The following UTRN variants were observed in gnomAD, a reference collection of about 807,000 sequenced individuals.
UTRN encodes the protein utrophin.
UTRN carries 283 observed loss-of-function variants against 463.9 expected under a neutral mutation model. The observed-to-expected ratio is 0.61, with a 90% CI of 0.55 to 0.67. UTRN has a LOEUF of 0.67. Among genes scored for constraint, UTRN ranks in the 30% least tolerant of loss-of-function variants. The pLI, the probability that UTRN is intolerant of heterozygous loss-of-function variation, is 0.00. For synonymous variants in UTRN, 1,442 were observed against 1,431.5 expected (o/e 1.01, Z -0.17); for missense variants, 3,922 against 4,084.3 (o/e 0.96, Z 1.08).
chr6:144,423,770 T>C, intron 5 of UTRN, 144 bp downstream of exon 5: 2 of 1,043,240 alleles, frequency 1.9e-6, no homozygotes, highest in Non-Finnish European at 1.4e-6. Context: ...TTTCTGTGAG[T>C]GAAGAAACAG....
intron 41 of UTRN, among the ~76,000 whole-genome samples, chr6:144,528,935 G>A (rs1189826767): frequency 6.6e-6 from 1 of 152,228 alleles, no homozygotes. Context: ...GGCAGGGTTA[G>A]GTGCTGAGTC....
intron 56 of UTRN, 98 bp from the exon 57 acceptor site, chr6:144,754,622 A>G: frequency 1.7e-6 from 2 of 1,206,228 alleles, no homozygotes; most frequent in South Asian, 2.8e-5. Flanking sequence ...ATCCTGGGCA[A>G]TAGCATCATT....
At chr6:144,788,281 A>G (rs921496389) in intron 61 of UTRN, among the ~76,000 whole-genome samples, 1 of 152,212 alleles carries the variant, frequency 6.6e-6, no homozygotes, top group Non-Finnish European at 1.5e-5. Flanking sequence ...ATAGTAATTT[A>G]TAAAAACTGC....
chr6:144,459,048 A>G (rs749911181), intron 20 of UTRN, 37 bp downstream of exon 20: 2 of 1,574,712 alleles, frequency 1.3e-6, no homozygotes, highest in Admixed American at 1.8e-5. Flanking sequence ...GAGGAATTCT[A>G]TGTGCAGTTC....
intron 51 of UTRN, among the ~76,000 whole-genome samples, chr6:144,658,795 A>G (rs1014789616): frequency 3.3e-5 from 5 of 152,260 alleles, no homozygotes; most frequent in Admixed American, 6.5e-5. Context: ...ACTACAAAGA[A>G]TTTATAATTT....
At chr6:144,396,391 C>A (rs1782419092) in intron 2 of UTRN, among the ~76,000 whole-genome samples, 1 of 152,064 alleles carries the variant, frequency 6.6e-6, no homozygotes, top group Admixed American at 6.6e-5. Context: ...GGACTTATTG[C>A]TTAATGACAG....
chr6:144,330,669 G>C (rs1201356199), intron 2 of UTRN, among the ~76,000 whole-genome samples: 2 of 152,152 alleles, frequency 1.3e-5, no homozygotes, highest in Admixed American at 6.5e-5. Flanking sequence ...GCAGATAAGT[G>C]TTGTCACACG....
intron 52 of UTRN, among the ~76,000 whole-genome samples, chr6:144,697,295 T>A (rs1784118448): frequency 3.9e-5 from 6 of 152,146 alleles, no homozygotes; most frequent in Admixed American, 3.9e-4. Context: ...GATAAAGAAA[T>A]GTTTTATGTG....
intron 3 of UTRN, among the ~76,000 whole-genome samples, chr6:144,411,547 A>G (rs1783897663): frequency 6.6e-6 from 1 of 152,116 alleles, no homozygotes; most frequent in Non-Finnish European, 1.5e-5. Flanking sequence ...TCATCACTAT[A>G]CCGGTAACTT....
intron 51 of UTRN, among the ~76,000 whole-genome samples, chr6:144,626,430 G>A (rs770796509): frequency 3.9e-5 from 6 of 152,108 alleles, no homozygotes; most frequent in Admixed American, 6.5e-5. Context: ...ATGACATTCC[G>A]ACCTCAAACG....
At chr6:144,583,823 T>A (rs1417483262) in intron 51 of UTRN, among the ~76,000 whole-genome samples, 1 of 152,218 alleles carries the variant, frequency 6.6e-6, no homozygotes, top group African/African-American at 2.4e-5. Context: ...CACAATCTTG[T>A]CTTCTGAGAT....
intron 54 of UTRN, among the ~76,000 whole-genome samples, chr6:144,746,487 T>C (rs1790760654): frequency 6.6e-6 from 1 of 152,096 alleles, no homozygotes; most frequent in African/African-American, 2.4e-5. Context: ...TTTTTATTTT[T>C]ATTTTTATTT....
At position 144,403,119 on chromosome 6, in the gene UTRN, A is replaced by G. The variant is rs575217907; in HGVS notation, c.80-4A>G. 10 of 1,612,870 alleles carry G rather than the reference A, an allele frequency of 6.2e-6. No individual in the cohort carries two copies. In the East Asian group the frequency reaches 8.9e-5, roughly 14 times the overall value. On this transcript the variant is annotated splice_region_variant and splice_polypyrimidine_tract_variant and intron_variant, in intron 2 of 74. Transcript: ENST00000367545. ...TTCCTTCTCTTTCTTTTTCCATTCC[A>G]CAGATGAACACAATGACGTACAGAA... is the stretch of plus-strand genomic sequence containing the variant.
chr6:144,677,628 C>T (rs1781773146), intron 51 of UTRN, among the ~76,000 whole-genome samples: 2 of 152,140 alleles, frequency 1.3e-5, no homozygotes. Flanking sequence ...TGGGTATATA[C>T]CCAGTAATGG....
chr6:144,702,669 G>A (rs1784710584), intron 53 of UTRN, among the ~76,000 whole-genome samples: 1 of 152,164 alleles, frequency 6.6e-6, no homozygotes, highest in African/African-American at 2.4e-5. Flanking sequence ...TTTTTGAACA[G>A]AGACCTGGAG....
At chr6:144,639,099 A>G (rs1361936206) in intron 51 of UTRN, among the ~76,000 whole-genome samples, 1 of 152,130 alleles carries the variant, frequency 6.6e-6, no homozygotes, top group Non-Finnish European at 1.5e-5. Context: ...TAAAAATAAA[A>G]GAAAAGGAAG....
At chr6:144,626,677 C>G (rs541300021) in intron 51 of UTRN, among the ~76,000 whole-genome samples, 2 of 152,068 alleles carry the variant, frequency 1.3e-5, no homozygotes, top group East Asian at 3.9e-4. Context: ...CTCGCTCTGT[C>G]GCCCAGGCTA....
intron 2 of UTRN, among the ~76,000 whole-genome samples, chr6:144,327,731 T>G (rs1776060367): frequency 6.6e-6 from 1 of 151,950 alleles, no homozygotes. Flanking sequence ...TCTCCTGAGG[T>G]CAGGAGTTCG....
At chr6:144,304,483 C>T (rs1805540173) in intron 2 of UTRN, among the ~76,000 whole-genome samples, 1 of 152,152 alleles carries the variant, frequency 6.6e-6, no homozygotes, top group Non-Finnish European at 1.5e-5. Context: ...CAGGCAGTTA[C>T]ACAGTTGTAA....
Sources: allele counts gnomAD v4.1 joint callset (sites outside exome capture counted in the v4.1 genomes callset), GRCh38; gene constraint gnomAD v4.1.1; transcripts MANE v1.5; gene names NCBI Gene and HGNC (gene_info 2026-07-23, HGNC 2026-07-21).